The following PCCA variants were observed in gnomAD, a reference collection of about 807,000 sequenced individuals.
The protein encoded by PCCA is propionyl-CoA carboxylase alpha chain, mitochondrial.
In PCCA, 74 loss-of-function variants were observed where a neutral mutation model predicts 101.3. The ratio of observed to expected loss-of-function variants is 0.73; its 90% CI spans 0.61 to 0.89. PCCA has a LOEUF of 0.89. Among genes scored for constraint, PCCA ranks in the 40% least tolerant of loss-of-function variants. The probability of loss-of-function intolerance (pLI) is 0.00; values close to 1 mark genes in which losing one functional copy is unlikely to be tolerated. For synonymous variants in PCCA, 294 were observed against 313.6 expected (o/e 0.94, Z 0.66); for missense variants, 891 against 907.0 (o/e 0.98, Z 0.23).
At chr13:100,400,286 T>C (rs979342658) in intron 19 of PCCA, among the ~76,000 whole-genome samples, 2 of 152,214 alleles carry the variant, frequency 1.3e-5, no homozygotes, top group African/African-American at 4.8e-5. Flanking sequence ...TCTGCTGTTG[T>C]CAGGTTTTTT....
intron 6 of PCCA, among the ~76,000 whole-genome samples, chr13:100,165,604 T>C (rs1330348334): frequency 1.3e-5 from 2 of 152,226 alleles, no homozygotes; most frequent in African/African-American, 4.8e-5. Context: ...CATTTTCTTA[T>C]TTGTTTTTAA....
chr13:100,281,490 C>T (rs1054522615), intron 12 of PCCA, among the ~76,000 whole-genome samples: 1 of 152,100 alleles, frequency 6.6e-6, no homozygotes, highest in Admixed American at 6.5e-5. Flanking sequence ...GAACATGTCC[C>T]CCAAGGATAA....
At chr13:100,145,644 A>G (rs960844818) in intron 4 of PCCA, among the ~76,000 whole-genome samples, 1 of 152,070 alleles carries the variant, frequency 6.6e-6, no homozygotes, top group African/African-American at 2.4e-5. Flanking sequence ...CAGGCAGATC[A>G]TGAGGTTAGG....
chr13:100,092,269 A>G (rs748061369), intron 1 of PCCA, among the ~76,000 whole-genome samples: 4 of 152,202 alleles, frequency 2.6e-5, no homozygotes, highest in African/African-American at 4.8e-5. Flanking sequence ...AAAAATCCCA[A>G]TTTTACAGTA....
intron 12 of PCCA, among the ~76,000 whole-genome samples, chr13:100,279,782 CT>C (rs971835567): frequency 6.6e-6 from 1 of 152,088 alleles, no homozygotes; most frequent in African/African-American, 2.4e-5. Context: ...CCCAAGTGTT[CT>C]TTTAATAGTA....
chr13:100,487,995 G>T (rs2084528629), intron 21 of PCCA, among the ~76,000 whole-genome samples: 1 of 152,108 alleles, frequency 6.6e-6, no homozygotes. Flanking sequence ...CTCCCAAAGT[G>T]CTGGGATTAC....
At chr13:100,111,546 A>G (rs2048323690) in intron 2 of PCCA, among the ~76,000 whole-genome samples, 1 of 152,216 alleles carries the variant, frequency 6.6e-6, no homozygotes, top group African/African-American at 2.4e-5. Flanking sequence ...TTGTGAATAC[A>G]TTAACCTACT....
At chr13:100,344,128 T>C (rs1477830004) in intron 18 of PCCA, among the ~76,000 whole-genome samples, 1 of 152,152 alleles carries the variant, frequency 6.6e-6, no homozygotes, top group Non-Finnish European at 1.5e-5. Flanking sequence ...TATATCTTAA[T>C]GCAACTTAAA....
intron 21 of PCCA, among the ~76,000 whole-genome samples, chr13:100,495,380 G>C (rs1007881184): frequency 1.3e-5 from 2 of 152,156 alleles, no homozygotes; most frequent in Non-Finnish European, 2.9e-5. Context: ...GCCAGCACTG[G>C]AGAGACGCTA....
intron 6 of PCCA, among the ~76,000 whole-genome samples, chr13:100,164,344 C>T (rs896797547): frequency 3.3e-5 from 5 of 152,162 alleles, no homozygotes; most frequent in African/African-American, 1.2e-4. Context: ...GCTTTGGGAG[C>T]TGGCAGGCTC....
In PCCA at chr13:100,382,734, C is replaced by T. The variant is rs142049621; in HGVS notation, c.1746+14160C>T. Reference sequence around the variant, plus strand: ...ATATTCCAAGCAAGCAATGAAAAATCGCTAATTCAACATATAATATTTTGT... The same window carrying T: ...ATATTCCAAGCAAGCAATGAAAAATTGCTAATTCAACATATAATATTTTGT... On this transcript the variant is annotated intron_variant, in intron 19 of 23. Coordinates refer to ENST00000376285, the MANE Select transcript of PCCA (RefSeq NM_000282.4). Among the ~76,000 whole-genome samples the T allele has an allele frequency of 1.6e-4, 25 of 152,140 alleles. 1 individual carries two copies. In the East Asian group the frequency reaches 3.7e-3, roughly 22 times the overall value.
At chr13:100,504,941 A>AC (rs1192767533) in intron 21 of PCCA, among the ~76,000 whole-genome samples, 2 of 152,062 alleles carry the variant, frequency 1.3e-5, no homozygotes, top group Admixed American at 1.3e-4. Flanking sequence ...TCTCAAAAAA[A>AC]AAAGAATTCA....
chr13:100,120,485 T>C (rs1208992934), intron 4 of PCCA, among the ~76,000 whole-genome samples: 1 of 152,208 alleles, frequency 6.6e-6, no homozygotes, highest in African/African-American at 2.4e-5. Context: ...TTGGTTTGTC[T>C]TAAAACAATA....
chr13:100,309,950 G>C, intron 16 of PCCA, 42 bp downstream of exon 16: 1 of 1,400,930 alleles, frequency 7.1e-7, no homozygotes, highest in Non-Finnish European at 1.0e-6. Flanking sequence ...TGTATATGGT[G>C]TCCAGTTCCA....
At chr13:100,309,586 T>G (rs2066744902) in intron 15 of PCCA, among the ~76,000 whole-genome samples, 2 of 152,176 alleles carry the variant, frequency 1.3e-5, no homozygotes, top group South Asian at 4.1e-4. Context: ...TTTGTTACGT[T>G]TTTGTTTTTG....
intron 21 of PCCA, among the ~76,000 whole-genome samples, chr13:100,499,272 C>T (rs1451199217): frequency 6.6e-6 from 1 of 152,194 alleles, no homozygotes; most frequent in Non-Finnish European, 1.5e-5. Context: ...ACTGGTGAAA[C>T]TAGGAGATAG....
chr13:100,352,252 A>G (rs1231977785), intron 18 of PCCA, among the ~76,000 whole-genome samples: 1 of 152,160 alleles, frequency 6.6e-6, no homozygotes, highest in Non-Finnish European at 1.5e-5. Flanking sequence ...TGATCAAACC[A>G]TATGCTTTAC....
intron 21 of PCCA, among the ~76,000 whole-genome samples, chr13:100,478,893 A>G (rs1379189605): frequency 6.6e-6 from 1 of 152,224 alleles, no homozygotes; most frequent in Non-Finnish European, 1.5e-5. Flanking sequence ...CTGGTAAGCC[A>G]AGAGAAATGG....
intron 21 of PCCA, among the ~76,000 whole-genome samples, chr13:100,479,937 T>TG (rs2083750385): frequency 6.6e-6 from 1 of 152,186 alleles, no homozygotes; most frequent in Non-Finnish European, 1.5e-5. Flanking sequence ...GGTACCCCCT[T>TG]GCCTACCTGT....
Sources: allele counts gnomAD v4.1 joint callset (sites outside exome capture counted in the v4.1 genomes callset), GRCh38; gene constraint gnomAD v4.1.1; transcripts MANE v1.5; gene names NCBI Gene and HGNC (gene_info 2026-07-23, HGNC 2026-07-21).